Variants in PLCB4 observed in about 807,000 individuals in gnomAD.
PLCB4 encodes phospholipase C beta 4.
In PLCB4, 77 loss-of-function variants were observed where a neutral mutation model predicts 178.8. That is an observed-to-expected ratio of 0.43 (90% CI 0.36 to 0.52). PLCB4 has a LOEUF of 0.52. Ranked by LOEUF, PLCB4 falls within the 20% of genes least tolerant of loss-of-function variation. The probability of loss-of-function intolerance (pLI) is 0.00; values close to 1 mark genes in which losing one functional copy is unlikely to be tolerated. For missense variants in PLCB4, 1,024 were observed against 1,453.4 expected (o/e 0.70, Z 4.80); for synonymous variants, 496 against 490.8 (o/e 1.01, Z -0.14).
intron 3 of PLCB4, among the ~76,000 whole-genome samples, chr20:9,255,859 G>A (rs936038265): frequency 1.3e-5 from 2 of 151,966 alleles, no homozygotes; most frequent in Non-Finnish European, 2.9e-5. Flanking sequence ...GCTGGACTTG[G>A]CCCATTGACC....
intron 32 of PLCB4, among the ~76,000 whole-genome samples, chr20:9,449,317 A>G (rs1023684275): frequency 6.6e-6 from 1 of 152,136 alleles, no homozygotes; most frequent in East Asian, 1.9e-4. Flanking sequence ...TTGGATACAT[A>G]TCTCCAGTAA....
intron 3 of PLCB4, among the ~76,000 whole-genome samples, chr20:9,243,403 T>G (rs1418218782): frequency 6.6e-6 from 1 of 152,220 alleles, no homozygotes; most frequent in Non-Finnish European, 1.5e-5. Context: ...AATAAATGAC[T>G]TCAGTGGGGG....
chr20:9,178,426 C>A (rs989135185), intron 2 of PLCB4, among the ~76,000 whole-genome samples: 5 of 151,720 alleles, frequency 3.3e-5, no homozygotes, highest in African/African-American at 1.2e-4. Flanking sequence ...TTTCTTAGGG[C>A]AAAAACATTT....
At chr20:9,403,040 A>ATGGGGTCACTGTGAAGAG (rs2039157784) in intron 20 of PLCB4, among the ~76,000 whole-genome samples, 1 of 152,100 alleles carries the variant, frequency 6.6e-6, no homozygotes, top group Non-Finnish European at 1.5e-5. Flanking sequence ...CACCTATTTC[A>ATGGGGTCACTGTGAAGAG]TGGGGTCACT....
chr20:9,404,235 C>T (rs919647036), intron 20 of PLCB4, among the ~76,000 whole-genome samples: 9 of 152,176 alleles, frequency 5.9e-5, no homozygotes, highest in African/African-American at 2.2e-4. Flanking sequence ...AAAGGTGTGG[C>T]CCTTCACAGG....
At chr20:9,354,277 T>C (rs189296462) in intron 7 of PLCB4, among the ~76,000 whole-genome samples, 2 of 152,360 alleles carry the variant, frequency 1.3e-5, no homozygotes, top group Non-Finnish European at 2.9e-5. Context: ...TAGTTAGCGT[T>C]TGAAAAATTT....
chr20:9,170,501 G>T (rs1444942054), intron 2 of PLCB4, among the ~76,000 whole-genome samples: 1 of 152,094 alleles, frequency 6.6e-6, no homozygotes, highest in Non-Finnish European at 1.5e-5. Flanking sequence ...GGTTCTTTGG[G>T]CTGACACACC....
intron 3 of PLCB4, among the ~76,000 whole-genome samples, chr20:9,260,551 A>G (rs771582255): frequency 7.2e-5 from 11 of 152,108 alleles, no homozygotes; most frequent in Middle Eastern, 3.2e-3. Flanking sequence ...AAAAGCATGT[A>G]TGTTTATATA....
chr20:9,097,820 T>G (rs1003666744), intron 2 of PLCB4, among the ~76,000 whole-genome samples: 1 of 152,116 alleles, frequency 6.6e-6, no homozygotes, highest in Non-Finnish European at 1.5e-5. Context: ...AAGTGAAGAC[T>G]ATGGTCCATA....
At chr20:9,383,402 A>G (rs1184946283) in intron 13 of PLCB4, among the ~76,000 whole-genome samples, 1 of 152,220 alleles carries the variant, frequency 6.6e-6, no homozygotes, top group Non-Finnish European at 1.5e-5. Context: ...TCATCTGAAC[A>G]CTTCTGTATT....
intron 31 of PLCB4, 42 bp from the exon 32 acceptor site, chr20:9,444,136 A>G (rs893143895): frequency 2.0e-6 from 3 of 1,513,272 alleles, no homozygotes; most frequent in Non-Finnish European, 2.7e-6. Flanking sequence ...TACAAAAAGA[A>G]AAAACAAAAA....
intron 12 of PLCB4, among the ~76,000 whole-genome samples, chr20:9,374,145 A>G (rs1167542043): frequency 1.3e-5 from 2 of 152,196 alleles, no homozygotes; most frequent in Non-Finnish European, 2.9e-5. Flanking sequence ...AGTGGCTTCA[A>G]ATTTATAAAG....
At chr20:9,163,923 A>G (rs1568871830) in intron 2 of PLCB4, among the ~76,000 whole-genome samples, 2 of 152,208 alleles carry the variant, frequency 1.3e-5, no homozygotes. Context: ...GCTTATTAGA[A>G]ATCATAATGT....
At chr20:9,107,204 C>T (rs2091398178) in intron 2 of PLCB4, among the ~76,000 whole-genome samples, 1 of 152,120 alleles carries the variant, frequency 6.6e-6, no homozygotes, top group South Asian at 2.1e-4. Context: ...ACTCGTTCAA[C>T]AATTATGGAT....
chr20:9,218,793 G>A (rs766107071), intron 3 of PLCB4, among the ~76,000 whole-genome samples: 3 of 152,116 alleles, frequency 2.0e-5, no homozygotes, highest in Non-Finnish European at 4.4e-5. Context: ...AGTCAAGTGC[G>A]CTATCTTTTA....
intron 3 of PLCB4, among the ~76,000 whole-genome samples, chr20:9,244,409 G>A (rs552386928): frequency 3.3e-5 from 5 of 152,250 alleles, no homozygotes; most frequent in South Asian, 2.1e-4. Flanking sequence ...ATATTAATCT[G>A]ATGACTAGTT....
intron 3 of PLCB4, among the ~76,000 whole-genome samples, chr20:9,284,645 A>G (rs1177459162): frequency 6.6e-6 from 1 of 151,906 alleles, no homozygotes; most frequent in Non-Finnish European, 1.5e-5. Context: ...TGAAAAATCT[A>G]CTTCCAAGAT....
intron 28 of PLCB4, among the ~76,000 whole-genome samples, chr20:9,427,027 C>T (rs909074722): frequency 2.0e-5 from 3 of 152,090 alleles, no homozygotes; most frequent in Non-Finnish European, 4.4e-5. Context: ...GAATTCAAGA[C>T]CAGCCTGGCC....
intron 2 of PLCB4, among the ~76,000 whole-genome samples, chr20:9,129,476 C>T (rs985568128): frequency 6.6e-6 from 1 of 152,144 alleles, no homozygotes; most frequent in African/African-American, 2.4e-5. Flanking sequence ...TCCTCAGTCA[C>T]CTTGTGTTTC....
Sources: allele counts gnomAD v4.1 joint callset (sites outside exome capture counted in the v4.1 genomes callset), GRCh38; gene constraint gnomAD v4.1.1; transcripts MANE v1.5; gene names NCBI Gene and HGNC (gene_info 2026-07-23, HGNC 2026-07-21).